PHKB: variants seen among roughly 807,000 people sequenced by gnomAD.
PHKB encodes the protein phosphorylase b kinase regulatory subunit beta.
PHKB carries 122 observed loss-of-function variants against 152.1 expected under a neutral mutation model. The ratio of observed to expected loss-of-function variants is 0.80; its 90% CI spans 0.69 to 0.93. The LOEUF is 0.93. Among genes scored for constraint, PHKB ranks in the 40% least tolerant of loss-of-function variants. The pLI is 0.00. For synonymous variants in PHKB, 436 were observed against 464.9 expected, an observed-to-expected ratio of 0.94 and a Z score of 0.80; for missense variants, 1,304 against 1,328.4, an observed-to-expected ratio of 0.98 and a Z score of 0.29.
chr16:47,482,348 A>G (rs1340741107), intron 1 of PHKB, among the ~76,000 whole-genome samples: 1 of 152,252 alleles, frequency 6.6e-6, no homozygotes, highest in Admixed American at 6.5e-5. Flanking sequence ...ACTGTCCTTC[A>G]GAAGTATATC....
chr16:47,477,103 C>G (rs372256158), intron 1 of PHKB, among the ~76,000 whole-genome samples: 9 of 152,288 alleles, frequency 5.9e-5, no homozygotes, highest in Admixed American at 3.3e-4. Context: ...ATCTTTTATT[C>G]TGCTCTAGTG....
intron 16 of PHKB, among the ~76,000 whole-genome samples, chr16:47,644,356 T>C (rs1024304964): frequency 6.6e-6 from 1 of 152,222 alleles, no homozygotes; most frequent in Non-Finnish European, 1.5e-5. Flanking sequence ...TGCTCCCTCA[T>C]TCATCTATCA....
intron 25 of PHKB, chr16:47,665,245 AT>A (rs1238952960): frequency 5.1e-6 from 2 of 389,234 alleles, no homozygotes; most frequent in Non-Finnish European, 9.4e-6. Flanking sequence ...TCAAACCTAC[AT>A]TTTTATTTCT....
chr16:47,605,266 A>C (rs1972301920), intron 13 of PHKB, among the ~76,000 whole-genome samples: 1 of 152,204 alleles, frequency 6.6e-6, no homozygotes. Flanking sequence ...AGAAGCATAC[A>C]GTCTATGAGT....
intron 14 of PHKB, among the ~76,000 whole-genome samples, chr16:47,617,423 C>T (rs893984192): frequency 3.3e-5 from 5 of 151,858 alleles, no homozygotes; most frequent in Admixed American, 1.3e-4. Context: ...AACTTCTGTA[C>T]CCATTAAGCA....
intron 6 of PHKB, among the ~76,000 whole-genome samples, chr16:47,546,649 A>G (rs1189646857): frequency 6.6e-6 from 1 of 152,140 alleles, no homozygotes; most frequent in Non-Finnish European, 1.5e-5. Context: ...GAGCTGTTGG[A>G]CTGGGACGTT....
intron 26 of PHKB, among the ~76,000 whole-genome samples, chr16:47,680,735 A>C (rs989670433): frequency 6.6e-6 from 1 of 151,948 alleles, no homozygotes; most frequent in Admixed American, 6.6e-5. Context: ...GGATTCATTA[A>C]TTTTTTTGAA....
At chr16:47,488,675 A>T (rs1488059420) in intron 1 of PHKB, among the ~76,000 whole-genome samples, 3 of 152,212 alleles carry the variant, frequency 2.0e-5, no homozygotes, top group Non-Finnish European at 4.4e-5. Flanking sequence ...CTAGCCAATT[A>T]TCCCAGTACC....
chr16:47,660,960 A>G (rs1973433507), intron 22 of PHKB, 141 bp downstream of exon 22: 2 of 818,412 alleles, frequency 2.4e-6, no homozygotes, highest in South Asian at 1.4e-5. Context: ...CTCCCAGGGC[A>G]ATCATGAGAA....
At chr16:47,592,088 A>G (rs998306622) in intron 10 of PHKB, among the ~76,000 whole-genome samples, 5 of 152,154 alleles carry the variant, frequency 3.3e-5, no homozygotes, top group African/African-American at 9.7e-5. Context: ...ACAGCCCAAC[A>G]ACAAAGAATT....
At chr16:47,588,667 T>C (rs1971975438) in intron 9 of PHKB, among the ~76,000 whole-genome samples, 1 of 152,238 alleles carries the variant, frequency 6.6e-6, no homozygotes, top group African/African-American at 2.4e-5. Flanking sequence ...ACCATTTTAA[T>C]TAATATTTTG....
chr16:47,654,965 TAAAG>T (rs901117050), intron 20 of PHKB, among the ~76,000 whole-genome samples: 26 of 151,100 alleles, frequency 1.7e-4, no homozygotes, highest in African/African-American at 4.9e-4. Context: ...AAAAAATAAA[TAAAG>T]AAAAGAAAAA....
chr16:47,588,899 C>T lies in PHKB; in HGVS notation c.871-6C>T, dbSNP rs749732055. 6.2e-7 allele frequency: 1 copy of T among 1,612,444 alleles called. No individual in the cohort carries two copies. The highest frequency in any genetic ancestry group is 8.5e-7 in the Non-Finnish European group (1 of 1,178,674). On this transcript the variant is annotated splice_region_variant and splice_polypyrimidine_tract_variant and intron_variant, in intron 9 of 30. Coordinates refer to ENST00000323584, the MANE Select transcript of PHKB (RefSeq NM_000293.3). ...ACTCACAGTCTCTCTTTCTCATTGC[C>T]TCCAGAATACAGATGCTGCCCTGCT...
intron 1 of PHKB, among the ~76,000 whole-genome samples, chr16:47,475,927 G>C (rs867012363): frequency 1.3e-5 from 2 of 152,106 alleles, no homozygotes; most frequent in East Asian, 3.9e-4. Context: ...GAATGCAGTC[G>C]TGCAGTCATA....
chr16:47,533,769 G>A (rs1970903899), intron 6 of PHKB, among the ~76,000 whole-genome samples: 1 of 152,110 alleles, frequency 6.6e-6, no homozygotes, highest in Non-Finnish European at 1.5e-5. Flanking sequence ...GCCTGGGTCT[G>A]CAGCCACAGT....
chr16:47,543,462 C>CT (rs1055279003), intron 6 of PHKB, among the ~76,000 whole-genome samples: 10 of 151,942 alleles, frequency 6.6e-5, no homozygotes, highest in African/African-American at 1.9e-4. Context: ...CTAAAATTCT[C>CT]TTTTTTTTCT....
chr16:47,606,421 A>T (rs1351942646), intron 13 of PHKB, among the ~76,000 whole-genome samples: 1 of 152,250 alleles, frequency 6.6e-6, no homozygotes, highest in East Asian at 1.9e-4. Context: ...CATTTATACA[A>T]AACTCAGCAT....
rs769185450 is a variant in PHKB at position 47,594,213 on chromosome 16, A to AG, written c.1204+1dup. The AG allele has an allele frequency of 6.6e-7, 1 of 1,512,018 alleles. No homozygotes were observed. The highest frequency in any genetic ancestry group is 9.2e-7 in the Non-Finnish European group (1 of 1,087,386). 93.7% of individuals were successfully genotyped at this position (1,512,018 alleles called of 1,614,324 possible). A position where few individuals can be genotyped will look rare whatever the true frequency, so the allele number is the denominator to read the frequency against. ...CTCCAGTACTTCATCATACCACAGA[A>AG]GGTATAGTTGTTTTTTTAAGAAATT... On this transcript the variant is annotated frameshift_variant and splice_region_variant, in exon 12 of 31. Transcript: ENST00000323584. LOFTEE classifies it high-confidence loss of function.
chr16:47,475,781 A>T (rs548793115), intron 1 of PHKB, among the ~76,000 whole-genome samples: 1 of 152,286 alleles, frequency 6.6e-6, no homozygotes, highest in East Asian at 1.9e-4. Flanking sequence ...ATTGATAGAG[A>T]GTGTTAATCA....
Sources: gnomAD v4.1 joint callset for allele counts (sites outside exome capture counted in the v4.1 genomes callset) on GRCh38, gnomAD v4.1.1 for gene constraint, MANE v1.5 for transcripts, NCBI Gene and HGNC (gene_info 2026-07-23, HGNC 2026-07-21) for gene names.